The following CAPN3 variants were observed in gnomAD, a reference collection of about 807,000 sequenced individuals.
CAPN3 encodes calpain-3.
In CAPN3, 88 loss-of-function variants were observed where a neutral mutation model predicts 114.0. The ratio of observed to expected loss-of-function variants is 0.77; its 90% CI spans 0.65 to 0.92. The LOEUF (loss-of-function observed/expected upper bound fraction) is 0.92. Ranked by LOEUF, CAPN3 falls within the 40% of genes least tolerant of loss-of-function variation. The pLI is 0.00. For missense variants in CAPN3, 1,028 were observed against 1,069.0 expected (o/e 0.96, Z 0.53); for synonymous variants, 386 against 382.9 (o/e 1.01, Z -0.09).
At chr15:42,386,788 G>C (rs1012209181) in intron 3 of CAPN3, among the ~76,000 whole-genome samples, 5 of 152,312 alleles carry the variant, frequency 3.3e-5, no homozygotes, top group Middle Eastern at 3.4e-3. Flanking sequence ...AACTGAATCT[G>C]ATGGTTCTAG....
rs201344810 is a variant in CAPN3, at chr15:42,387,740, C to T, written c.499-13C>T. The T allele has an allele frequency of 6.6e-5, 106 of 1,614,012 alleles. No homozygotes were observed. The highest frequency in any genetic ancestry group is 8.1e-5 in the Non-Finnish European group (96 of 1,179,988). ...TTTGAGTATGTGACTCTGTGCGTGA[C>T]GCTTCTGTGCAGTTCTGGCGCTATG... On this transcript the variant is annotated splice_polypyrimidine_tract_variant and intron_variant, in intron 3 of 23. Transcript: ENST00000397163.
At position 42,389,048 on chromosome 15, in the gene CAPN3, C is replaced by G; in HGVS notation, c.753C>G (p.Ile251Met). ...ATGCTCCTAGTGACATGTACAAGAT[C>G]ATGAAGAAAGCCATCGAGAGAGGCT... ...IRDAPSDMYKIMKKAIERGSL... is the reference protein window; with the variant it reads ...IRDAPSDMYKMMKKAIERGSL... Residue 251 changes from isoleucine to methionine, a missense_variant, in exon 5 of 24, where the codon ATC (isoleucine) becomes ATG (methionine). Physicochemically the swap from Ile to Met is conservative, Grantham distance 10. Transcript: ENST00000397163. 1 of 1,614,088 alleles carries G rather than the reference C, an allele frequency of 6.2e-7. No individual in the cohort carries two copies. The highest frequency in any genetic ancestry group is 1.7e-4 in the Middle Eastern group (1 of 6,060).
rs776709122 is a variant in CAPN3 at position 42,359,913 on chromosome 15, T to A, written c.108T>A (p.Gly36=). The A allele has an allele frequency of 1.2e-6, 2 of 1,614,010 alleles. No individual in the cohort carries two copies. The highest frequency in any genetic ancestry group is 2.2e-5 in the South Asian group (2 of 91,060). Residue 36 remains glycine (G), a synonymous_variant, in exon 1 of 24, where the codon GGT becomes GGA. Coordinates refer to ENST00000397163, the MANE Select transcript of CAPN3 (RefSeq NM_000070.3). The part of the protein sequence containing the change: ...PAQSKATEAG[G]GNPSGIYSAI... ...AGAGCAAGGCCACTGAGGCTGGGGG[T>A]GGAAACCCAAGTGGCATCTATTCAG...
rs1024834906 is a variant in CAPN3 at position 42,412,043 on chromosome 15, C to G, written c.*270C>G. 1 of 1,519,566 alleles carries G rather than the reference C, an allele frequency of 6.6e-7. No individual in the cohort carries two copies. 94.1% of individuals were successfully genotyped at this position (1,519,566 alleles called of 1,614,324 possible). On this transcript the variant is annotated 3_prime_UTR_variant, in exon 24 of 24. Transcript: ENST00000397163. The stretch of plus-strand genomic sequence containing the variant: ...GAAAGTGCCTGCCTCTGGTCCGAGC[C>G]GCCTCGGTTCTGAAGCGAGTGCTCC...
At chr15:42,398,639 A>G (rs1468447369) in intron 9 of CAPN3, among the ~76,000 whole-genome samples, 18 of 148,366 alleles carry the variant, frequency 1.2e-4, no homozygotes, top group Non-Finnish European at 2.5e-4. Context: ...ACACACATAT[A>G]TATACACACA....
chr15:42,407,323 C>T (rs893771112), intron 15 of CAPN3, among the ~76,000 whole-genome samples: 2 of 150,758 alleles, frequency 1.3e-5, no homozygotes, highest in South Asian at 2.1e-4. Context: ...AAACTGAGGC[C>T]AGAGAGGATA....
chr15:42,398,656 T>C (rs943141510), intron 9 of CAPN3, among the ~76,000 whole-genome samples: 2 of 147,434 alleles, frequency 1.4e-5, no homozygotes, highest in South Asian at 2.2e-4. Flanking sequence ...CACATATATA[T>C]ACACACACAT....
At position 42,410,669 on chromosome 15, in the gene CAPN3, G is replaced by A. The variant is rs2054188689; in HGVS notation, c.2263+3G>A. ...GCGAAATGCAGTCAACGACGCAGGT[G>A]CTGAGAAGGAAGGGGTGGCAGGGAT... On this transcript the variant is annotated splice_donor_region_variant and intron_variant, in intron 21 of 23. Coordinates refer to ENST00000397163, the MANE Select transcript of CAPN3 (RefSeq NM_000070.3). 1 of 1,612,606 alleles carries A rather than the reference G, an allele frequency of 6.2e-7. No individual in the cohort carries two copies. Among genetic ancestry groups the A allele is most frequent in the Admixed American group, 1.7e-5 (1 of 59,896 alleles).
intron 14 of CAPN3, among the ~76,000 whole-genome samples, 167 bp from the exon 15 acceptor site, chr15:42,405,759 C>G (rs1264431415): frequency 2.0e-5 from 3 of 152,110 alleles, no homozygotes; most frequent in Non-Finnish European, 2.9e-5. Context: ...ATTCTCTTCT[C>G]CCTTCACCCT....
chr15:42,384,141 C>T (rs2053319833), intron 1 of CAPN3, among the ~76,000 whole-genome samples: 1 of 151,962 alleles, frequency 6.6e-6, no homozygotes, highest in Non-Finnish European at 1.5e-5. Context: ...CGGCCGGGCG[C>T]GGTGGCTCAC....
chr15:42,406,003 T>C, intron 15 of CAPN3, 60 bp downstream of exon 15: 1 of 1,423,286 alleles, frequency 7.0e-7, no homozygotes, highest in Admixed American at 1.7e-5. Context: ...TGTGCATGCA[T>C]GTGAAGTGTG....
rs1426973361 is a variant in CAPN3 at position 42,384,478 on chromosome 15, CA to C, written c.310-4del. 6.2e-7 allele frequency: 1 copy of C among 1,607,520 alleles called. No homozygotes were observed. The highest frequency in any genetic ancestry group is 1.1e-5 in the South Asian group (1 of 90,964). On this transcript the variant is annotated splice_polypyrimidine_tract_variant and splice_region_variant and intron_variant, in intron 1 of 23. Coordinates refer to ENST00000397163, the MANE Select transcript of CAPN3 (RefSeq NM_000070.3). ...TTACCTGGTCATTTCCTTTTTGTTT[CA>C]CAGGAAATTTGCGAGAATCCCCGAT...
chr15:42,380,751 A>ATATATATTTTTTTTT (rs1436943739), intron 1 of CAPN3, among the ~76,000 whole-genome samples: 2 of 64,484 alleles, frequency 3.1e-5, no homozygotes, highest in African/African-American at 1.8e-4. Flanking sequence ...ATATATATAT[A>ATATATATTTTTTTTT]TTTTTTTTTT....
chr15:42,377,653 C>T (rs2141138888), intron 1 of CAPN3, among the ~76,000 whole-genome samples: 1 of 152,236 alleles, frequency 6.6e-6, no homozygotes. Flanking sequence ...CTTTTACTGG[C>T]TTGCATATTA....
intron 1 of CAPN3, among the ~76,000 whole-genome samples, chr15:42,371,833 G>A (rs1001750107): frequency 5.9e-5 from 9 of 151,942 alleles, no homozygotes; most frequent in East Asian, 3.9e-4. Flanking sequence ...ACATAGTGGC[G>A]GGAGCCTGTA....
chr15:42,399,819 G>T (rs2053815568), intron 10 of CAPN3, among the ~76,000 whole-genome samples, 167 bp downstream of exon 10: 1 of 152,182 alleles, frequency 6.6e-6, no homozygotes. Flanking sequence ...TTGCAATAGG[G>T]AGCTGGTAGC....
chr15:42,386,623 C>T (rs188360539), intron 3 of CAPN3, among the ~76,000 whole-genome samples: 1 of 152,290 alleles, frequency 6.6e-6, no homozygotes, highest in East Asian at 1.9e-4. Flanking sequence ...TGTGACACCA[C>T]AGGACCCTTC....
chr15:42,385,839 C>A (rs376573322), intron 2 of CAPN3: 1 of 568,068 alleles, frequency 1.8e-6, no homozygotes, highest in Non-Finnish European at 3.4e-6. Context: ...TTAGGAAGAA[C>A]AACCCAGTTA....
chr15:42,406,027 A>G (rs533431408), intron 15 of CAPN3, 84 bp downstream of exon 15: 1 of 1,180,366 alleles, frequency 8.5e-7, no homozygotes, highest in Admixed American at 1.7e-5. Flanking sequence ...GTGTGAGCTC[A>G]TATGCATCCA....
Sources: allele counts gnomAD v4.1 joint callset (sites outside exome capture counted in the v4.1 genomes callset), GRCh38; gene constraint gnomAD v4.1.1; transcripts MANE v1.5; gene names NCBI Gene and HGNC (gene_info 2026-07-23, HGNC 2026-07-21).